PRUNE2: variants seen among roughly 807,000 people sequenced by gnomAD.
PRUNE2 encodes the protein protein prune homolog 2.
PRUNE2 carries 164 observed loss-of-function variants against 252.0 expected under a neutral mutation model. The observed-to-expected ratio is 0.65, with a 90% CI of 0.57 to 0.74. The LOEUF is 0.74. Ranked by LOEUF, PRUNE2 falls within the 30% of genes least tolerant of loss-of-function variation. The pLI is 0.00. For synonymous variants in PRUNE2, 1,292 were observed against 1,350.2 expected, an observed-to-expected ratio of 0.96 and a Z score of 0.94; for missense variants, 3,495 against 3,711.0, an observed-to-expected ratio of 0.94 and a Z score of 1.51.
rs527382488 is a variant in PRUNE2 at position 76,852,845 on chromosome 9, T to C, written c.141+1259A>G. Among the ~76,000 whole-genome samples, 58 of 149,698 alleles carry C rather than the reference T, an allele frequency of 3.9e-4. No homozygotes were observed. The South Asian group carries it at 0.01, about 26-fold the overall frequency. On this transcript the variant is annotated intron_variant, in intron 2 of 18. Transcript: ENST00000376718. ...CTATCTATCTATCTATCTATCTATC[T>C]ATCCATGTGTTTTATCTATCACAAT...
intron 15 of PRUNE2, among the ~76,000 whole-genome samples, chr9:76,631,817 T>TCCTCCAC (rs1162218543): frequency 6.6e-6 from 1 of 152,236 alleles, no homozygotes; most frequent in Non-Finnish European, 1.5e-5. Context: ...ATCCTCACTG[T>TCCTCCAC]CCTCCACCCT....
intron 1 of PRUNE2, chr9:76,862,906 C>T (rs1050245093): frequency 6.6e-6 from 1 of 152,128 alleles, no homozygotes; most frequent in African/African-American, 2.4e-5. Flanking sequence ...CTTGTTGTGG[C>T]CATAGATGAC....
Position 76,709,604 on chromosome 9 carries a change from C to T in PRUNE2, c.2670G>A (p.Trp890Ter). 1.2e-6 allele frequency: 2 copies of T among 1,613,926 alleles called. No individual in the cohort carries two copies. The highest frequency in any genetic ancestry group is 8.5e-7 in the Non-Finnish European group (1 of 1,179,868). ...GNPSSDLDHT[W>*]TNSKPPKEDQ... ...CTTCTTTTGGTGGCTTAGAATTAGTCCATGTGTGATCCAGATCAGAACTGG... is the reference window on the plus strand; with the variant it reads ...CTTCTTTTGGTGGCTTAGAATTAGTTCATGTGTGATCCAGATCAGAACTGG... The change falls in exon 8 of 19, where the codon TGG (tryptophan) becomes TGA (stop). Residue 890 changes from tryptophan to a stop codon, truncating the protein, a stop_gained. Coordinates refer to ENST00000376718, the MANE Select transcript of PRUNE2 (RefSeq NM_015225.3). LOFTEE classifies it high-confidence loss of function.
At chr9:76,647,581 T>C (rs978169934) in intron 11 of PRUNE2, among the ~76,000 whole-genome samples, 1 of 152,024 alleles carries the variant, frequency 6.6e-6, no homozygotes, top group Non-Finnish European at 1.5e-5. Flanking sequence ...AGAATGAGAA[T>C]AAGAAGACAA....
intron 6 of PRUNE2, among the ~76,000 whole-genome samples, chr9:76,821,345 T>C (rs896107549): frequency 1.3e-5 from 2 of 152,218 alleles, no homozygotes; most frequent in African/African-American, 4.8e-5. Flanking sequence ...CAATATTTTT[T>C]AAAGTGAGGT....
At chr9:76,692,281 G>T in intron 9 of PRUNE2, 5 of 638,364 alleles carry the variant, frequency 7.8e-6, no homozygotes, top group Non-Finnish European at 1.4e-5. Flanking sequence ...GCACAGCTGG[G>T]GCTGTGCTGA....
intron 6 of PRUNE2, chr9:76,785,737 GT>G: frequency 6.6e-6 from 1 of 151,906 alleles, no homozygotes; most frequent in East Asian, 1.9e-4. Context: ...AGAGCTCTGT[GT>G]GTGTGTGTGT....
chr9:76,810,715 T>C (rs536065050), intron 6 of PRUNE2, among the ~76,000 whole-genome samples: 30 of 152,348 alleles, frequency 2.0e-4, no homozygotes, highest in Admixed American at 1.1e-3. Context: ...CCACTGGCTA[T>C]GTGGTATAAA....
chr9:76,717,988 A>G (rs2047310139), intron 6 of PRUNE2, among the ~76,000 whole-genome samples: 1 of 152,202 alleles, frequency 6.6e-6, no homozygotes, highest in East Asian at 1.9e-4. Context: ...TTCCTGGTCA[A>G]AAAAGCTAAG....
At chr9:76,754,247 G>A (rs10217794) in intron 6 of PRUNE2, among the ~76,000 whole-genome samples, 99,730 of 151,934 alleles carry the variant, frequency 0.66, 33,483 homozygotes, top group East Asian at 0.83. Flanking sequence ...GAACTACTCA[G>A]AACCTGCTAA....
chr9:76,703,683 G>A lies in PRUNE2; in HGVS notation c.7930C>T (p.Pro2644Ser). The stretch of plus-strand genomic sequence containing the variant: ...CCTGAGTCCCTGGCATCCAGTGATG[G>A]ATCACCAACCTCACTATGGCCCAAG... ...MFLGHSEVGD[P>S]SLDARDSGPG... Residue 2644 changes from proline (P) to serine (S), a missense_variant, in exon 9 of 19, where the codon CCA becomes TCA. By Grantham distance (74) the Pro-to-Ser change is moderately conservative (BLOSUM62 -1). Coordinates refer to ENST00000376718, the MANE Select transcript of PRUNE2 (RefSeq NM_015225.3). 1.9e-6 allele frequency: 3 copies of A among 1,612,982 alleles called. No homozygotes were observed. Among genetic ancestry groups the A allele is most frequent in the Non-Finnish European group, 2.5e-6 (3 of 1,179,814 alleles).
At chr9:76,795,397 G>T (rs1446619178) in intron 6 of PRUNE2, among the ~76,000 whole-genome samples, 1 of 152,094 alleles carries the variant, frequency 6.6e-6, no homozygotes, top group Admixed American at 6.6e-5. Context: ...CCTTTGAGAG[G>T]GGTCTTATTT....
chr9:76,613,188 A>T lies in PRUNE2; in HGVS notation c.*1382T>A, dbSNP rs1827965772. The T allele has an allele frequency of 6.6e-6, 1 of 152,234 alleles. No individual in the cohort carries two copies. Among genetic ancestry groups the T allele is most frequent in the Non-Finnish European group, 1.5e-5 (1 of 68,040 alleles). The allele number at this position is 152,234 out of a possible 1,614,324, so 9.4% of individuals were successfully genotyped here. The stretch of plus-strand genomic sequence containing the variant: ...CATTGATTTTTGACAAAAATAAATT[A>T]GTTTGCAGCCTCATTTGTCCGTTCT... On this transcript the variant is annotated 3_prime_UTR_variant, in exon 19 of 19. Coordinates refer to ENST00000376718, the MANE Select transcript of PRUNE2 (RefSeq NM_015225.3).
chr9:76,695,353 A>G (rs761709303), intron 9 of PRUNE2, among the ~76,000 whole-genome samples: 34 of 152,346 alleles, frequency 2.2e-4, no homozygotes, highest in Non-Finnish European at 1.8e-4. Flanking sequence ...AAGTTATTTC[A>G]AGGTGAAGAG....
At position 76,682,777 on chromosome 9, in the gene PRUNE2, C is replaced by T. The variant is rs2134250301; in HGVS notation, c.8276+20560G>A. On this transcript the variant is annotated intron_variant, in intron 9 of 18. Transcript: ENST00000376718. Reference sequence around the variant, plus strand: ...ATATAATTTGTAAAGATCAAATCAGCATCACTTGGGATGGCTATCACTTGA... The same window carrying T: ...ATATAATTTGTAAAGATCAAATCAGTATCACTTGGGATGGCTATCACTTGA... 2.6e-5 allele frequency among the ~76,000 whole-genome samples: 4 copies of T among 152,284 alleles called. No homozygotes were observed. In the Middle Eastern group the frequency reaches 0.014, roughly 518 times the overall value.
intron 1 of PRUNE2, among the ~76,000 whole-genome samples, chr9:76,873,408 C>T (rs908335814): frequency 1.3e-5 from 2 of 152,106 alleles, no homozygotes; most frequent in African/African-American, 2.4e-5. Context: ...CTGTACTTCC[C>T]GAGGAAACCA....
In PRUNE2 at chr9:76,706,064, C is replaced by T. The variant is rs758023855; in HGVS notation, c.6210G>A (p.Leu2070=). 7.4e-6 allele frequency: 12 copies of T among 1,614,050 alleles called. No homozygotes were observed. In the East Asian group the frequency reaches 1.1e-4, roughly 15 times the overall value. Residue 2070 remains leucine (L), a synonymous_variant, in exon 8 of 19, where the codon TTG becomes TTA. Transcript: ENST00000376718. Reference sequence around the variant, plus strand: ...TGAAGGGCTTCTTAGCATCTATCCACAAGTCAGGCGCGGCAGAGGCCAGCT... The same window carrying T: ...TGAAGGGCTTCTTAGCATCTATCCATAAGTCAGGCGCGGCAGAGGCCAGCT... The part of the protein sequence containing the change: ...GGQLASAAPD[L]WIDAKKPFSL...
chr9:76,781,484 C>T (rs1229915609), intron 6 of PRUNE2, among the ~76,000 whole-genome samples: 1 of 152,200 alleles, frequency 6.6e-6, no homozygotes, highest in Non-Finnish European at 1.5e-5. Flanking sequence ...TACCCCTAGT[C>T]CTTTCCTGGC....
intron 1 of PRUNE2, among the ~76,000 whole-genome samples, chr9:76,880,135 G>C (rs576713825): frequency 1.6e-4 from 25 of 151,594 alleles, no homozygotes; most frequent in Admixed American, 6.6e-4. Context: ...GGATGGTCTC[G>C]ATCTCCTGAC....
Sources: gnomAD v4.1 joint callset for allele counts (sites outside exome capture counted in the v4.1 genomes callset) on GRCh38, gnomAD v4.1.1 for gene constraint, MANE v1.5 for transcripts, NCBI Gene and HGNC (gene_info 2026-07-23, HGNC 2026-07-21) for gene names.